Variants in SYNE1 observed in about 807,000 individuals in gnomAD.
The protein encoded by SYNE1 is spectrin repeat containing nuclear envelope protein 1.
SYNE1 carries 616 observed loss-of-function variants against 1,111.0 expected under a neutral mutation model. The ratio of observed to expected loss-of-function variants is 0.55; its 90% CI spans 0.52 to 0.59. SYNE1 has a LOEUF of 0.59. SYNE1 is among the 20% of genes least tolerant of loss of function. The probability of loss-of-function intolerance (pLI) is 0.00; values close to 1 mark genes in which losing one functional copy is unlikely to be tolerated. For synonymous variants in SYNE1, 3,855 were observed against 3,825.8 expected (o/e 1.01, Z -0.28); for missense variants, 10,006 against 10,417.0 (o/e 0.96, Z 1.72).
chr6:152,125,239 G>T, intron 145 of SYNE1: 1 of 1,548,858 alleles, frequency 6.5e-7, no homozygotes, highest in Non-Finnish European at 8.7e-7. Flanking sequence ...AATGGTAATG[G>T]TAATTCAGGT....
chr6:152,240,201 T>C (rs1042823883), intron 107 of SYNE1, among the ~76,000 whole-genome samples: 5 of 151,978 alleles, frequency 3.3e-5, no homozygotes, highest in African/African-American at 9.7e-5. Context: ...CAGGGAAAGG[T>C]AGAGGTAAGA....
intron 63 of SYNE1, among the ~76,000 whole-genome samples, chr6:152,364,603 AAAAG>A (rs1204019870): frequency 2.0e-5 from 3 of 152,048 alleles, no homozygotes; most frequent in South Asian, 2.1e-4. Context: ...AAAAGAAAGA[AAAAG>A]AAAGAGGAAT....
chr6:152,318,177 T>G lies in SYNE1; in HGVS notation c.16476A>C (p.Gln5492His), dbSNP rs141380170. ...AVQKFLEQNG[Q>H]LGKPLAKKIG... ...TCTTCTTGGCCAGTGGCTTACCCAG[T>G]TGGCCATTCTGTTCCAAGAATTTCT... The change falls in exon 86 of 146, where the codon CAA becomes CAC. Residue 5492 changes from glutamine to histidine, a missense_variant. Coordinates refer to ENST00000367255, the MANE Select transcript of SYNE1 (RefSeq NM_182961.4). 5.0e-6 allele frequency: 8 copies of G among 1,614,058 alleles called. No homozygotes were observed. The highest frequency in any genetic ancestry group is 6.8e-6 in the Non-Finnish European group (8 of 1,180,038).
At chr6:152,575,115 T>A (rs12213593) in intron 3 of SYNE1, among the ~76,000 whole-genome samples, 28,896 of 152,102 alleles carry the variant, frequency 0.19, 2,985 homozygotes, top group Middle Eastern at 0.28. Flanking sequence ...GTGGGTACAG[T>A]TGATGAGGTT....
rs1288616936 is a variant in SYNE1, at chr6:152,517,257, T to TTAGAAGG, written c.309+3201_309+3202insCCTTCTA. Among the ~76,000 whole-genome samples the TTAGAAGG allele has an allele frequency of 2.0e-5, 3 of 152,328 alleles. No individual in the cohort carries two copies. The East Asian group carries it at 5.8e-4, about 29-fold the overall frequency. On this transcript the variant is annotated intron_variant, in intron 6 of 145. Transcript: ENST00000367255. ...TGTAATCTAATTAATTCAGTGCATATAAACTGAGAAGGAAATAACTGAATG... is the reference window on the plus strand; with the variant it reads ...TGTAATCTAATTAATTCAGTGCATATTAGAAGGAAACTGAGAAGGAAATAACTGAATG...
chr6:152,271,076 T>G (rs1190058593), intron 98 of SYNE1, among the ~76,000 whole-genome samples: 1 of 152,196 alleles, frequency 6.6e-6, no homozygotes, highest in Non-Finnish European at 1.5e-5. Context: ...CGCCTGCCCC[T>G]GGTTGTTCTT....
intron 87 of SYNE1, chr6:152,315,658 C>G (rs555573783): frequency 6.6e-6 from 1 of 152,278 alleles, no homozygotes; most frequent in Admixed American, 6.5e-5. Flanking sequence ...CTTTCTTCCT[C>G]TCTTTTTTTG....
chr6:152,245,747 A>C (rs2086948411), intron 105 of SYNE1, among the ~76,000 whole-genome samples: 1 of 152,190 alleles, frequency 6.6e-6, no homozygotes, highest in South Asian at 2.1e-4. Context: ...TGGGTGAAGT[A>C]AGCTGGGGTG....
chr6:152,318,839 A>G, intron 85 of SYNE1, 24 bp downstream of exon 85: 1 of 1,613,702 alleles, frequency 6.2e-7, no homozygotes, highest in Non-Finnish European at 8.5e-7. Flanking sequence ...ATTCAGTAGT[A>G]CCCTTTAAAA....
At chr6:152,524,014 T>C (rs1207529512) in intron 5 of SYNE1, among the ~76,000 whole-genome samples, 1 of 152,206 alleles carries the variant, frequency 6.6e-6, no homozygotes, top group African/African-American at 2.4e-5. Flanking sequence ...TTTGACTTAC[T>C]CTTTTCCAAT....
chr6:152,244,582 C>T lies in SYNE1; in HGVS notation c.19647G>A (p.Lys6549=). Residue 6549 remains lysine, a synonymous_variant, in exon 106 of 146, where the codon AAG becomes AAA. Coordinates refer to ENST00000367255, the MANE Select transcript of SYNE1 (RefSeq NM_182961.4). The stretch of plus-strand genomic sequence containing the variant: ...GCATGGACGGCTGCTCGACCTGTAG[C>T]TTGTCACCACGCCTCTTTAATTCAA... The part of the protein sequence containing the change: ...GIIELKRRGD[K]LQVEQPSMQE... 1 of 1,614,112 alleles carries T rather than the reference C, an allele frequency of 6.2e-7. No individual in the cohort carries two copies. Among genetic ancestry groups the T allele is most frequent in the Non-Finnish European group, 8.5e-7 (1 of 1,179,982 alleles).
At chr6:152,153,778 A>T (rs1030535104) in intron 133 of SYNE1, among the ~76,000 whole-genome samples, 1 of 152,230 alleles carries the variant, frequency 6.6e-6, no homozygotes, top group Non-Finnish European at 1.5e-5. Context: ...TGGTATAGTT[A>T]CATATGAATT....
chr6:152,409,503 G>GT, intron 43 of SYNE1, 56 bp downstream of exon 43: 1 of 1,601,524 alleles, frequency 6.2e-7, no homozygotes, highest in South Asian at 1.1e-5. Flanking sequence ...TGCTTTATGA[G>GT]TAAAAACCAG....
At chr6:152,417,874 C>A (rs987600199) in intron 40 of SYNE1, among the ~76,000 whole-genome samples, 56 of 152,170 alleles carry the variant, frequency 3.7e-4, no homozygotes, top group African/African-American at 1.3e-3. Flanking sequence ...CAATTTCTAT[C>A]CACAAAATCC....
In SYNE1 at chr6:152,331,050, ACT is replaced by A; in HGVS notation, c.13633_13634del (p.Ser4545CysfsTer19). The A allele has an allele frequency of 6.2e-7, 1 of 1,614,132 alleles. No homozygotes were observed. The highest frequency in any genetic ancestry group is 8.5e-7 in the Non-Finnish European group (1 of 1,180,026). On this transcript the variant is annotated frameshift_variant, in exon 78 of 146. Transcript: ENST00000367255. LOFTEE classifies it high-confidence loss of function. ...KLQELQSVYD[S>X]VLQKCSHRLQ... is the part of the protein sequence containing the mutation. ...ACCGGTGACTGCACTTTTGTAAAAC[ACT>A]GTCATAGACACTCTGCAATTCCTGA...
intron 129 of SYNE1, among the ~76,000 whole-genome samples, chr6:152,178,617 C>A (rs1221775806): frequency 1.3e-5 from 2 of 152,070 alleles, no homozygotes; most frequent in Non-Finnish European, 2.9e-5. Context: ...TCCTAATAAC[C>A]ATTTATATTT....
At chr6:152,423,616 G>A (rs933051486) in intron 39 of SYNE1, among the ~76,000 whole-genome samples, 5 of 152,156 alleles carry the variant, frequency 3.3e-5, no homozygotes, top group African/African-American at 1.2e-4. Context: ...AAGTAAACAT[G>A]ATTTCAAGTG....
At chr6:152,514,048 A>T (rs1317247986) in intron 6 of SYNE1, among the ~76,000 whole-genome samples, 2 of 152,220 alleles carry the variant, frequency 1.3e-5, no homozygotes, top group Non-Finnish European at 2.9e-5. Context: ...AATTAGTTCA[A>T]CCATTGTGGA....
intron 19 of SYNE1, 125 bp from the exon 20 acceptor site, chr6:152,463,015 T>C (rs2098743381): frequency 8.4e-7 from 1 of 1,190,286 alleles, no homozygotes; most frequent in South Asian, 1.3e-5. Context: ...AATCTTTGAT[T>C]CTCATTTTAG....
Sources: allele counts gnomAD v4.1 joint callset (sites outside exome capture counted in the v4.1 genomes callset), GRCh38; gene constraint gnomAD v4.1.1; transcripts MANE v1.5; gene names NCBI Gene and HGNC (gene_info 2026-07-23, HGNC 2026-07-21).